Variants in RSRC2 observed in about 807,000 individuals in gnomAD.
RSRC2 encodes the protein arginine and serine rich coiled-coil 2, also known as arginine/serine-rich coiled-coil protein 2.
In RSRC2, 5 loss-of-function variants were observed where a neutral mutation model predicts 61.3. The ratio of observed to expected loss-of-function variants is 0.08; its 90% CI spans 0.04 to 0.17. The LOEUF (loss-of-function observed/expected upper bound fraction) is 0.17, where lower values mean the gene tolerates loss of function less well. Among genes scored for constraint, RSRC2 ranks in the 10% least tolerant of loss-of-function variants. RSRC2 has a pLI of 1.00. For synonymous variants in RSRC2, 202 were observed against 166.5 expected, an observed-to-expected ratio of 1.21 and a Z score of -1.64; for missense variants, 381 against 518.8, an observed-to-expected ratio of 0.73 and a Z score of 2.58.
intron 1 of RSRC2, 84 bp downstream of exon 1, chr12:122,526,762 ACG>A: frequency 4.7e-6 from 7 of 1,504,782 alleles, no homozygotes; most frequent in Non-Finnish European, 6.5e-6. Context: ...ACACATACAC[ACG>A]AACAAGGTTC....
intron 6 of RSRC2, among the ~76,000 whole-genome samples, chr12:122,514,418 C>A (rs1251026681): frequency 1.3e-5 from 2 of 151,666 alleles, no homozygotes; most frequent in Non-Finnish European, 2.9e-5. Flanking sequence ...GCGCCTGCCA[C>A]CACGCCCAGC....
chr12:122,504,044 G>A lies in RSRC2; in HGVS notation c.*1483C>T, dbSNP rs958554106. ...TGCAATGCACTGCACTCCAGCCTAG[G>A]ACAGAAAGCAAAAAAAAAGAAAACA... On this transcript the variant is annotated 3_prime_UTR_variant, in exon 10 of 10. Transcript: ENST00000331738. 6.6e-6 allele frequency: 1 copy of A among 151,660 alleles called. No homozygotes were observed. The highest frequency in any genetic ancestry group is 1.9e-4 in the East Asian group (1 of 5,166). The allele number at this position is 151,660 out of a possible 1,614,324, so 9.4% of individuals were successfully genotyped here.
At chr12:122,518,496 G>A (rs1156464661) in intron 4 of RSRC2, among the ~76,000 whole-genome samples, 2 of 151,404 alleles carry the variant, frequency 1.3e-5, no homozygotes, top group African/African-American at 2.4e-5. Context: ...GGGAGGCTGA[G>A]AAAGGAGAAT....
chr12:122,514,899 A>G (rs1292810382), intron 6 of RSRC2: 1 of 698,348 alleles, frequency 1.4e-6, no homozygotes, highest in Non-Finnish European at 2.2e-6. Flanking sequence ...GAAGGAAAAA[A>G]CAGAAATTGT....
intron 5 of RSRC2, among the ~76,000 whole-genome samples, chr12:122,516,067 A>G (rs1420725290): frequency 1.4e-4 from 22 of 152,330 alleles, no homozygotes; most frequent in Non-Finnish European, 4.4e-5. Flanking sequence ...GGTTCAAAGT[A>G]GTAAACTACT....
In RSRC2 at chr12:122,518,848, G is replaced by A. The variant is rs1482759137; in HGVS notation, c.389C>T (p.Ser130Phe). The change falls in exon 4 of 10, where the codon TCT becomes TTT. Residue 130 changes from serine to phenylalanine, a missense_variant. Physicochemically the swap from Ser to Phe is radical, Grantham distance 155. Coordinates refer to ENST00000331738, the MANE Select transcript of RSRC2 (RefSeq NM_023012.6). Reference protein sequence around the residue: ...SRGRSHSRSRSRERRHRSRSR... With the variant: ...SRGRSHSRSRFRERRHRSRSR... Reference sequence around the variant, plus strand: ...ATACAACATGACTTACCTTTCACGAGACCTAGATCTTGAGTGACTTCTGCC... The same window carrying A: ...ATACAACATGACTTACCTTTCACGAAACCTAGATCTTGAGTGACTTCTGCC... The A allele has an allele frequency of 6.2e-7, 1 of 1,613,428 alleles. No homozygotes were observed. Among genetic ancestry groups the A allele is most frequent in the Non-Finnish European group, 8.5e-7 (1 of 1,179,426 alleles).
chr12:122,520,467 T>C, intron 3 of RSRC2: 1 of 1,097,288 alleles, frequency 9.1e-7, no homozygotes, highest in Non-Finnish European at 1.3e-6. Context: ...TTAAGATATA[T>C]TTAAGGGAAA....
chr12:122,519,121 AT>A, intron 3 of RSRC2, 92 bp from the exon 4 acceptor site: 1 of 980,800 alleles, frequency 1.0e-6, no homozygotes, highest in Non-Finnish European at 1.6e-6. Flanking sequence ...GTGATGCAAC[AT>A]TAGTAACCTT....
intron 9 of RSRC2, 141 bp downstream of exon 9, chr12:122,506,693 T>C: frequency 3.1e-6 from 2 of 654,326 alleles, no homozygotes; most frequent in East Asian, 2.5e-5. Flanking sequence ...ATGGGATTGC[T>C]TGTTATTTCA....
chr12:122,506,631 C>T (rs1593352851), intron 9 of RSRC2: 6 of 494,112 alleles, frequency 1.2e-5, no homozygotes, highest in South Asian at 8.8e-5. Context: ...TCTCTCTCTC[C>T]AAGTGTGTGT....
chr12:122,508,512 A>G (rs896675368), intron 7 of RSRC2, 65 bp from the exon 8 acceptor site: 14 of 1,240,230 alleles, frequency 1.1e-5, no homozygotes, highest in Non-Finnish European at 1.6e-5. Context: ...CCTGATTTAC[A>G]TTAACGAACG....
intron 6 of RSRC2, among the ~76,000 whole-genome samples, chr12:122,512,879 A>T (rs1958630414): frequency 1.3e-5 from 2 of 152,162 alleles, no homozygotes; most frequent in South Asian, 4.1e-4. Flanking sequence ...AAAAGTTTGT[A>T]AATTAGCAGT....
intron 5 of RSRC2, 64 bp downstream of exon 5, chr12:122,517,163 T>C (rs1959000549): frequency 8.1e-6 from 13 of 1,605,232 alleles, no homozygotes; most frequent in Non-Finnish European, 1.1e-5. Flanking sequence ...ACTCTCTTAC[T>C]GAGGAAGATA....
chr12:122,513,833 C>T, intron 6 of RSRC2: 1 of 985,212 alleles, frequency 1.0e-6, no homozygotes, highest in Non-Finnish European at 1.2e-6. Context: ...TCAGGTTACA[C>T]TGTGTTACCA....
Position 122,505,550 on chromosome 12 carries a change from T to C in RSRC2, c.1282A>G (p.Met428Val), listed in dbSNP as rs201082663. ...RGMGLGFTSS[M>V]RGMDAV is the part of the protein sequence containing the mutation. ...TTTCAAACTGCATCCATTCCTCGCATTGAAGATGTGAAACCCAAACCCATT... is the reference window on the plus strand; with the variant it reads ...TTTCAAACTGCATCCATTCCTCGCACTGAAGATGTGAAACCCAAACCCATT... The change falls in exon 10 of 10, where the codon ATG becomes GTG. Residue 428 changes from methionine to valine, a missense_variant. Met to Val is a conservative substitution (Grantham distance 21). This residue lies in a region of RSRC2 where 78 missense variants were observed against 183.0 expected (regional missense o/e 0.43). Coordinates refer to ENST00000331738, the MANE Select transcript of RSRC2 (RefSeq NM_023012.6). 3.5e-5 allele frequency: 57 copies of C among 1,613,776 alleles called. No homozygotes were observed. The highest frequency in any genetic ancestry group is 4.2e-5 in the Non-Finnish European group (49 of 1,179,910).
chr12:122,519,309 A>G (rs893780968), intron 3 of RSRC2: 1 of 354,604 alleles, frequency 2.8e-6, no homozygotes, highest in African/African-American at 2.1e-5. Context: ...TATGCCAGAC[A>G]AAAGAGGAAT....
Sources: allele counts gnomAD v4.1 joint callset (sites outside exome capture counted in the v4.1 genomes callset), GRCh38; gene constraint gnomAD v4.1.1; regional missense constraint gnomAD v4.1.1; transcripts MANE v1.5; gene names NCBI Gene and HGNC (gene_info 2026-07-23, HGNC 2026-07-21).